Variants in NPEPL1 observed in about 807,000 individuals in gnomAD.
The protein encoded by NPEPL1 is aminopeptidase like 1.
NPEPL1 carries 45 observed loss-of-function variants against 52.4 expected under a neutral mutation model. The ratio of observed to expected loss-of-function variants is 0.86; its 90% CI spans 0.68 to 1.10. The LOEUF (loss-of-function observed/expected upper bound fraction) is 1.10, where lower values mean the gene tolerates loss of function less well. Among genes scored for constraint, NPEPL1 ranks in the 50% least tolerant of loss-of-function variants. NPEPL1 has a pLI of 0.00. For missense variants in NPEPL1, 696 were observed against 710.9 expected (o/e 0.98, Z 0.24); for synonymous variants, 360 against 314.7 (o/e 1.14, Z -1.52).
chr20:58,694,509 C>T lies in NPEPL1; in HGVS notation c.424C>T (p.Arg142Trp), dbSNP rs370807734. The T allele has an allele frequency of 7.6e-5, 123 of 1,613,896 alleles. No individual in the cohort carries two copies. The highest frequency in any genetic ancestry group is 4.3e-4 in the African/African-American group (32 of 74,926). Residue 142 changes from arginine (R) to tryptophan (W), a missense_variant, in exon 3 of 12, where the codon CGG (arginine) becomes TGG (tryptophan). Physicochemically the swap from Arg to Trp is moderately radical, Grantham distance 101. Coordinates refer to ENST00000356091, the MANE Select transcript of NPEPL1 (RefSeq NM_024663.4). ...PLFTHRSGAS[R>W]RLEKKTVTVE... ...GTTCACCCACCGCTCAGGTGCCTCTCGGCGCTTGGAGAAGAAGACGGTCAC... is the reference window on the plus strand; with the variant it reads ...GTTCACCCACCGCTCAGGTGCCTCTTGGCGCTTGGAGAAGAAGACGGTCAC...
Sources: allele counts gnomAD v4.1 joint callset, GRCh38; gene constraint gnomAD v4.1.1; transcripts MANE v1.5; gene names NCBI Gene and HGNC (gene_info 2026-07-23, HGNC 2026-07-21).